TRMT11: variants seen among roughly 807,000 people sequenced by gnomAD.
TRMT11 encodes the protein tRNA methyltransferase 11.
TRMT11 carries 53 observed loss-of-function variants against 62.8 expected under a neutral mutation model. That is an observed-to-expected ratio of 0.84 (90% CI 0.68 to 1.06). TRMT11 has a LOEUF of 1.06. Ranked by LOEUF, TRMT11 falls within the 50% of genes least tolerant of loss-of-function variation. The probability of loss-of-function intolerance (pLI) is 0.00; values close to 1 mark genes in which losing one functional copy is unlikely to be tolerated. For synonymous variants in TRMT11, 188 were observed against 190.3 expected, an observed-to-expected ratio of 0.99 and a Z score of 0.10; for missense variants, 556 against 553.4, an observed-to-expected ratio of 1.00 and a Z score of -0.05.
intron 11 of TRMT11, among the ~76,000 whole-genome samples, chr6:126,018,159 G>A (rs1212036222): frequency 6.6e-6 from 1 of 152,024 alleles, no homozygotes; most frequent in African/African-American, 2.4e-5. Context: ...TTTTTAAAAA[G>A]GTGAGAAAGA....
the TRMT11 span, among the ~76,000 whole-genome samples, chr6:126,215,837 A>C: frequency 6.6e-6 from 1 of 152,104 alleles, no homozygotes; most frequent in Non-Finnish European, 1.5e-5. Context: ...TGCTGAATGC[A>C]CAAACAAACC....
intron 21 of TRMT11, among the ~76,000 whole-genome samples, chr6:126,141,950 A>G (rs1206968057): frequency 2.0e-5 from 3 of 152,034 alleles, no homozygotes; most frequent in Non-Finnish European, 4.4e-5. Context: ...AGTGCTTCCA[A>G]TTTCTCCTCA....
At chr6:126,072,832 A>T (rs1776896594) in intron 17 of TRMT11, among the ~76,000 whole-genome samples, 1 of 152,082 alleles carries the variant, frequency 6.6e-6, no homozygotes, top group Admixed American at 6.6e-5. Context: ...CACTAATTCC[A>T]TTCATGAATG....
chr6:126,109,179 C>T (rs1294071612), intron 17 of TRMT11, among the ~76,000 whole-genome samples: 4 of 152,062 alleles, frequency 2.6e-5, no homozygotes, highest in African/African-American at 9.7e-5. Flanking sequence ...AATCAGAAAA[C>T]TAATACTGAT....
In TRMT11 at chr6:126,109,235, C is replaced by T. The variant is rs182199269; in HGVS notation, c.*1438-3631C>T. 2.6e-3 allele frequency among the ~76,000 whole-genome samples: 392 copies of T among 152,206 alleles called. 5 individuals are homozygous for T. Among genetic ancestry groups the T allele is most frequent in the Non-Finnish European group, 1.6e-3 (108 of 68,012 alleles). On this transcript the variant is annotated intron_variant and NMD_transcript_variant, in intron 17 of 22. Coordinates refer to the TRMT11 transcript ENST00000648977. ...ACAAACTTGTATTTCACCAGTTGTC[C>T]CAATGAAAAGGTTTTGGGAGGGGAT...
At chr6:126,021,021 G>C in intron 11 of TRMT11, 139 bp from the exon 12 acceptor site, 1 of 930,450 alleles carries the variant, frequency 1.1e-6, no homozygotes, top group Non-Finnish European at 1.6e-6. Flanking sequence ...GATAGTTTAT[G>C]GATCATGTGG....
At chr6:126,157,354 T>C (rs1041621828) in intron 21 of TRMT11, among the ~76,000 whole-genome samples, 3 of 152,222 alleles carry the variant, frequency 2.0e-5, no homozygotes, top group Admixed American at 6.5e-5. Context: ...TATATACAAA[T>C]ACTTAGCTTT....
the TRMT11 span, among the ~76,000 whole-genome samples, chr6:126,252,034 A>G: frequency 6.6e-6 from 1 of 152,236 alleles, no homozygotes; most frequent in Non-Finnish European, 1.5e-5. Context: ...TCTTCTGTCT[A>G]TTGATTGTTG....
the TRMT11 span, among the ~76,000 whole-genome samples, chr6:126,242,538 A>G: frequency 6.6e-6 from 1 of 152,212 alleles, no homozygotes; most frequent in Non-Finnish European, 1.5e-5. Flanking sequence ...AAACTATACT[A>G]CAAGGCTACA....
the TRMT11 span, among the ~76,000 whole-genome samples, chr6:126,270,203 G>T: frequency 6.6e-6 from 1 of 152,052 alleles, no homozygotes; most frequent in Non-Finnish European, 1.5e-5. Flanking sequence ...CTTTTAGTAG[G>T]TTTCTTTTTT....
downstream of TRMT11, among the ~76,000 whole-genome samples, chr6:126,043,430 C>A (rs1473489415): frequency 1.3e-5 from 2 of 151,236 alleles, no homozygotes; most frequent in African/African-American, 2.4e-5. Flanking sequence ...ATATGTGCCA[C>A]ATTTTCTTAG....
intron 1 of TRMT11, among the ~76,000 whole-genome samples, chr6:126,182,329 TTGTC>T (rs1778476345): frequency 6.6e-6 from 1 of 151,860 alleles, no homozygotes; most frequent in African/African-American, 2.4e-5. Flanking sequence ...TGAAGGGAGT[TTGTC>T]TGTGAATAGA....
intron 12 of TRMT11, among the ~76,000 whole-genome samples, chr6:126,037,216 C>T (rs1775358572): frequency 6.6e-6 from 1 of 152,010 alleles, no homozygotes; most frequent in South Asian, 2.1e-4. Context: ...CAAAGCCTAG[C>T]TCTGCCACTT....
At chr6:126,096,357 G>T (rs1263271028) in intron 17 of TRMT11, among the ~76,000 whole-genome samples, 1 of 152,200 alleles carries the variant, frequency 6.6e-6, no homozygotes, top group East Asian at 1.9e-4. Flanking sequence ...TGATTTTCTG[G>T]ATCTGCACAA....
chr6:126,193,808 C>A (rs974404251), intron 1 of TRMT11, among the ~76,000 whole-genome samples: 23 of 151,886 alleles, frequency 1.5e-4, no homozygotes, highest in Non-Finnish European at 3.1e-4. Context: ...TTGATGTAGA[C>A]CTCCATCACT....
In TRMT11 at chr6:126,196,131, C is replaced by T. The variant is rs1296866593; in HGVS notation, n.144-2668C>T. ...ATTTAAGCCAATGGTTTTCAAACTT[C>T]ATGCTAGTACCCTGGAAAGTCAAAA... On this transcript the variant is annotated intron_variant and non_coding_transcript_variant, in intron 1 of 3. Transcript: ENST00000444229. 5.7e-4 allele frequency among the ~76,000 whole-genome samples: 87 copies of T among 152,136 alleles called. 1 individual carries two copies. The highest frequency in any genetic ancestry group is 5.7e-3 in the Admixed American group (87 of 15,272).
At chr6:126,265,724 A>G in the TRMT11 span, among the ~76,000 whole-genome samples, 1 of 152,180 alleles carries the variant, frequency 6.6e-6, no homozygotes, top group African/African-American at 2.4e-5. Context: ...TGATTAATTA[A>G]CACATGTACA....
chr6:126,109,571 A>G (rs764840463), intron 17 of TRMT11, among the ~76,000 whole-genome samples: 3 of 152,120 alleles, frequency 2.0e-5, no homozygotes, highest in Non-Finnish European at 2.9e-5. Context: ...TAAGGCTACA[A>G]TTTTTCAATG....
chr6:126,183,229 G>A lies in TRMT11; in HGVS notation n.143+5894G>A, dbSNP rs183150238. ...AGTTCTTGTGGTCAAAACATTAACA[G>A]GGTGCTTTGTTAACAAAATGTTCAG... On this transcript the variant is annotated intron_variant and non_coding_transcript_variant, in intron 1 of 3. Transcript: ENST00000444229. Among the ~76,000 whole-genome samples the A allele has an allele frequency of 6.0e-4, 91 of 152,290 alleles. 2 individuals are homozygous for A. The highest frequency in any genetic ancestry group is 8.8e-5 in the Non-Finnish European group (6 of 68,024).
Sources: gnomAD v4.1 joint callset for allele counts (sites outside exome capture counted in the v4.1 genomes callset) on GRCh38, gnomAD v4.1.1 for gene constraint, MANE v1.5 for transcripts, NCBI Gene and HGNC (gene_info 2026-07-23, HGNC 2026-07-21) for gene names.